Variants in UCK2 observed in about 807,000 individuals in gnomAD.
UCK2 encodes uridine-cytidine kinase 2.
In UCK2, 6 loss-of-function variants were observed where a neutral mutation model predicts 30.8. The ratio of observed to expected loss-of-function variants is 0.19; its 90% confidence interval spans 0.11 to 0.38. The LOEUF is 0.38. Ranked by LOEUF, UCK2 falls within the 10% of genes least tolerant of loss-of-function variation. The pLI, the probability that UCK2 is intolerant of heterozygous loss-of-function variation, is 1.00. For missense variants in UCK2, 210 were observed against 339.8 expected, an observed-to-expected ratio of 0.62 and a Z score of 3.00; for synonymous variants, 125 against 133.6, an observed-to-expected ratio of 0.94 and a Z score of 0.45.
chr1:165,887,750 A>C (rs1655654701), intron 1 of UCK2, among the ~76,000 whole-genome samples: 1 of 144,738 alleles, frequency 6.9e-6, no homozygotes, highest in Admixed American at 6.9e-5. Context: ...TATAGTTTAT[A>C]ATTGCTTAGA....
intron 1 of UCK2, among the ~76,000 whole-genome samples, chr1:165,886,415 C>T (rs1196116910): frequency 6.6e-6 from 1 of 152,094 alleles, no homozygotes; most frequent in African/African-American, 2.4e-5. Context: ...CTGCCTTAGC[C>T]TGCCACACGT....
Position 165,910,232 on chromosome 1 carries a change from A to G in UCK2, c.*2409A>G, listed in dbSNP as rs1647809316. The G allele has an allele frequency of 6.6e-6, 1 of 152,258 alleles. No homozygotes were observed. The highest frequency in any genetic ancestry group is 2.4e-5 in the African/African-American group (1 of 41,462). 9.4% of individuals were successfully genotyped at this position (152,258 alleles called of 1,614,324 possible). On this transcript the variant is annotated 3_prime_UTR_variant, in exon 7 of 7. Coordinates refer to ENST00000367879, the MANE Select transcript of UCK2 (RefSeq NM_012474.5). ...CAGCCCAGCATTTGGCCAACTCTGT[A>G]TCTGAACTTGAGCTTTCTATGGAAC...
At chr1:165,831,879 C>T (rs943204377) in intron 1 of UCK2, among the ~76,000 whole-genome samples, 2 of 152,176 alleles carry the variant, frequency 1.3e-5, no homozygotes, top group African/African-American at 4.8e-5. Flanking sequence ...AATTCTCCTG[C>T]CTCAGCCTCC....
At chr1:165,853,524 T>C (rs1337632409) in intron 1 of UCK2, among the ~76,000 whole-genome samples, 1 of 152,086 alleles carries the variant, frequency 6.6e-6, no homozygotes, top group Non-Finnish European at 1.5e-5. Context: ...AAGGATCTTT[T>C]TTTTTTTTTC....
At chr1:165,892,117 G>T (rs978533881) in intron 3 of UCK2, 1 of 150,936 alleles carries the variant, frequency 6.6e-6, no homozygotes, top group Non-Finnish European at 1.5e-5. Context: ...GGCTGTTTTG[G>T]TGCTTACCTC....
At chr1:165,896,938 A>G (rs1450927715) in intron 4 of UCK2, among the ~76,000 whole-genome samples, 3 of 152,172 alleles carry the variant, frequency 2.0e-5, no homozygotes, top group Non-Finnish European at 2.9e-5. Context: ...TTGGTAGAGG[A>G]GCCCAGCCTG....
At chr1:165,900,749 CGT>C (rs755229549) in intron 4 of UCK2, 16 of 151,128 alleles carry the variant, frequency 1.1e-4, no homozygotes, top group South Asian at 2.1e-4. Flanking sequence ...TGTGTGTGCA[CGT>C]GTGTGTGTGT....
chr1:165,880,240 A>C (rs1277461967), intron 1 of UCK2, among the ~76,000 whole-genome samples: 2 of 152,210 alleles, frequency 1.3e-5, no homozygotes, highest in Non-Finnish European at 2.9e-5. Context: ...CATACCCAGA[A>C]GGACTTCAGT....
rs1654351563 is a variant in UCK2, at chr1:165,842,377, T to A, written c.99+14445T>A. Among the ~76,000 whole-genome samples the A allele has an allele frequency of 2.6e-5, 4 of 152,202 alleles. No homozygotes were observed. In the South Asian group the frequency reaches 8.3e-4, roughly 31 times the overall value. ...TCAGCTGTCACTGGGCATTTCCACA[T>A]CATGTTCTTCACCAATGATTATCCA... is the stretch of plus-strand genomic sequence containing the variant. On this transcript the variant is annotated intron_variant, in intron 1 of 6. Coordinates refer to ENST00000367879, the MANE Select transcript of UCK2 (RefSeq NM_012474.5).
chr1:165,902,592 A>ATTTTTTTTTTTTTTTTTTTTTTTTTT (rs386368582), intron 4 of UCK2: 3 of 45,758 alleles, frequency 6.6e-5, no homozygotes, highest in Non-Finnish European at 1.1e-4. Flanking sequence ...TCACTGAGTG[A>ATTTTTTTTTTTTTTTTTTTTTTTTTT]TTTTTTTTTT....
intron 1 of UCK2, among the ~76,000 whole-genome samples, chr1:165,854,995 C>T (rs1441046121): frequency 6.6e-6 from 1 of 152,168 alleles, no homozygotes; most frequent in Non-Finnish European, 1.5e-5. Flanking sequence ...ACTTTGTACA[C>T]ATGACACTGA....
intron 1 of UCK2, among the ~76,000 whole-genome samples, chr1:165,857,358 C>CT (rs1288088291): frequency 6.6e-6 from 1 of 152,192 alleles, no homozygotes; most frequent in Non-Finnish European, 1.5e-5. Flanking sequence ...TGTTGTATCT[C>CT]TAGTACCTGG....
intron 1 of UCK2, among the ~76,000 whole-genome samples, chr1:165,863,645 T>G (rs1163684063): frequency 2.0e-5 from 3 of 152,300 alleles, no homozygotes; most frequent in East Asian, 3.9e-4. Context: ...TTCTGAGAGA[T>G]AAAGGGAGTT....
intron 1 of UCK2, among the ~76,000 whole-genome samples, chr1:165,834,729 G>GT (rs966603676): frequency 3.4e-4 from 52 of 151,550 alleles, no homozygotes; most frequent in African/African-American, 1.0e-3. Flanking sequence ...TTCTTTTTTT[G>GT]TTTTTTTTAA....
At chr1:165,869,708 A>G (rs1278107457) in intron 1 of UCK2, among the ~76,000 whole-genome samples, 3 of 118,538 alleles carry the variant, frequency 2.5e-5, no homozygotes, top group African/African-American at 1.0e-4. Flanking sequence ...TTGCTCTGTC[A>G]CTCACGCTGG....
intron 2 of UCK2, chr1:165,891,013 A>G (rs1655751231): frequency 9.9e-6 from 5 of 505,018 alleles, no homozygotes; most frequent in Non-Finnish European, 1.8e-5. Flanking sequence ...AGAAAAAAGA[A>G]ATCTATTTGT....
chr1:165,896,404 A>G, intron 4 of UCK2, 72 bp downstream of exon 4: 1 of 1,573,208 alleles, frequency 6.4e-7, no homozygotes, highest in East Asian at 2.2e-5. Flanking sequence ...AGCCTGTGAC[A>G]GGACCCCACC....
intron 4 of UCK2, chr1:165,898,067 T>G (rs979908670): frequency 2.6e-5 from 4 of 152,202 alleles, no homozygotes; most frequent in African/African-American, 9.6e-5. Flanking sequence ...CCCCTCATGC[T>G]TCTGCCCCAG....
Position 165,885,584 on chromosome 1 carries a change from C to G in UCK2, c.100-4620C>G, listed in dbSNP as rs115289093. Among the ~76,000 whole-genome samples the G allele has an allele frequency of 5.1e-3, 772 of 152,296 alleles. 7 individuals are homozygous for G. The highest frequency in any genetic ancestry group is 0.018 in the African/African-American group (744 of 41,572). On this transcript the variant is annotated intron_variant, in intron 1 of 6. Coordinates refer to ENST00000367879, the MANE Select transcript of UCK2 (RefSeq NM_012474.5). Reference sequence around the variant, plus strand: ...ACAGAATATATTCTGGATTCATTCACTAAATATAGAGATATTATACAAAAT... The same window carrying G: ...ACAGAATATATTCTGGATTCATTCAGTAAATATAGAGATATTATACAAAAT...
Sources: gnomAD v4.1 joint callset for allele counts (sites outside exome capture counted in the v4.1 genomes callset) on GRCh38, gnomAD v4.1.1 for gene constraint, MANE v1.5 for transcripts, NCBI Gene and HGNC (gene_info 2026-07-23, HGNC 2026-07-21) for gene names.